FCRL4: variants seen among roughly 807,000 people sequenced by gnomAD.
FCRL4 encodes the protein Fc receptor like 4.
Under a neutral mutation model 64.1 loss-of-function variants are expected in FCRL4, and 43 were observed. The ratio of observed to expected loss-of-function variants is 0.67; its 90% CI spans 0.53 to 0.87. The LOEUF is 0.87. FCRL4 is among the 40% of genes least tolerant of loss of function. The probability of loss-of-function intolerance (pLI) is 0.00; values close to 1 mark genes in which losing one functional copy is unlikely to be tolerated. For missense variants in FCRL4, 656 were observed against 613.5 expected (o/e 1.07, Z -0.73); for synonymous variants, 253 against 239.8 (o/e 1.05, Z -0.51).
rs1173803146 is a variant in FCRL4, at chr1:157,589,404, T to C, written c.107A>G (p.Lys36Arg). The C allele has an allele frequency of 6.2e-7, 1 of 1,614,154 alleles. No individual in the cohort carries two copies. The highest frequency in any genetic ancestry group is 8.5e-7 in the Non-Finnish European group (1 of 1,180,016). ...GCAAGTCAGAGTCACTCTCTCTCCT[T>C]TGAAGAATGTGGTCCATGGAGGATG... Reference protein sequence around the residue: ...SVHPPWTTFFKGERVTLTCNG... With the variant: ...SVHPPWTTFFRGERVTLTCNG... Residue 36 changes from lysine (K) to arginine (R), a missense_variant, in exon 3 of 12, where the codon AAA becomes AGA. Physicochemically the swap from Lys to Arg is conservative, Grantham distance 26. Coordinates refer to ENST00000271532, the MANE Select transcript of FCRL4 (RefSeq NM_031282.3).
chr1:157,587,854 G>A lies in FCRL4; in HGVS notation c.562+11C>T, dbSNP rs772866724. 6.3e-7 allele frequency: 1 copy of A among 1,598,370 alleles called. No individual in the cohort carries two copies. Among genetic ancestry groups the A allele is most frequent in the East Asian group, 2.2e-5 (1 of 44,724 alleles). ...ATTACTAAGCAAATCTATATGAACT[G>A]AAAGATTCACCTTGAATTTTAATTA... On this transcript the variant is annotated intron_variant, in intron 4 of 11. Coordinates refer to ENST00000271532, the MANE Select transcript of FCRL4 (RefSeq NM_031282.3).
chr1:157,579,830 T>G (rs1196763496), intron 8 of FCRL4, among the ~76,000 whole-genome samples: 2 of 152,192 alleles, frequency 1.3e-5, no homozygotes, highest in African/African-American at 2.4e-5. Context: ...TACCTAAGAC[T>G]GAGACACTGA....
At chr1:157,576,075 G>A (rs774422123) in intron 10 of FCRL4, among the ~76,000 whole-genome samples, 1 of 152,032 alleles carries the variant, frequency 6.6e-6, no homozygotes, top group Non-Finnish European at 1.5e-5. Context: ...CACCACCCCC[G>A]ATTGTTTGGC....
chr1:157,578,586 A>C, intron 9 of FCRL4, 44 bp from the exon 10 acceptor site: 1 of 1,536,808 alleles, frequency 6.5e-7, no homozygotes, highest in East Asian at 2.2e-5. Context: ...GTTAGTATTA[A>C]AGTGCTACAG....
intron 10 of FCRL4, among the ~76,000 whole-genome samples, chr1:157,577,928 CGA>C (rs1307666891): frequency 6.6e-6 from 1 of 151,998 alleles, no homozygotes; most frequent in Non-Finnish European, 1.5e-5. Flanking sequence ...AAAGGTTGCT[CGA>C]GACTTACCCT....
chr1:157,578,933 G>A lies in FCRL4; in HGVS notation c.1278-81C>T, dbSNP rs1016615397. The A allele has an allele frequency of 7.8e-6, 9 of 1,146,814 alleles. 1 individual carries two copies. The highest frequency in any genetic ancestry group is 1.1e-5 in the Non-Finnish European group (9 of 809,342). The allele number at this position is 1,146,814 out of a possible 1,614,324, so 71.0% of individuals were successfully genotyped here. A position where few individuals can be genotyped will look rare whatever the true frequency, so the allele number is the denominator to read the frequency against. ...TGAGATACCCAGGGAGAGCGGCAGA[G>A]GAGAAAGAGGATTTGGAGAAAGTCA... On this transcript the variant is annotated intron_variant, in intron 8 of 11. Coordinates refer to ENST00000271532, the MANE Select transcript of FCRL4 (RefSeq NM_031282.3).
At position 157,575,518 on chromosome 1, in the gene FCRL4, A is replaced by G. The variant is rs1426628028; in HGVS notation, c.*6T>C. 5 of 1,610,598 alleles carry G rather than the reference A, an allele frequency of 3.1e-6. No individual in the cohort carries two copies. The highest frequency in any genetic ancestry group is 2.2e-5 in the East Asian group (1 of 44,836). Reference sequence around the variant, plus strand: ...GAGTAGGACGTTCTCGTAACTTTTCATTCTCTTAACTTTCTTCATCCTTAG... The same window carrying G: ...GAGTAGGACGTTCTCGTAACTTTTCGTTCTCTTAACTTTCTTCATCCTTAG... On this transcript the variant is annotated 3_prime_UTR_variant, in exon 12 of 12. Transcript: ENST00000271532.
intron 10 of FCRL4, 65 bp from the exon 11 acceptor site, chr1:157,575,795 G>C (rs1652391162): frequency 3.9e-6 from 6 of 1,523,318 alleles, no homozygotes; most frequent in Non-Finnish European, 4.6e-6. Flanking sequence ...CAGTCTGTTA[G>C]CTGATGCCCT....
chr1:157,590,080 G>A (rs1477904723), intron 2 of FCRL4, among the ~76,000 whole-genome samples: 1 of 152,194 alleles, frequency 6.6e-6, no homozygotes, highest in Non-Finnish European at 1.5e-5. Context: ...TTCATCAATA[G>A]AGAAGGCATT....
At chr1:157,592,395 G>GA (rs920046094) in intron 2 of FCRL4, among the ~76,000 whole-genome samples, 35 of 149,620 alleles carry the variant, frequency 2.3e-4, no homozygotes, top group African/African-American at 5.9e-4. Context: ...AAATTTACAA[G>GA]AAAAAAAAAC....
Position 157,581,663 on chromosome 1 carries a change from T to C in FCRL4, c.1136-19A>G. On this transcript the variant is annotated intron_variant, in intron 6 of 11. Transcript: ENST00000271532. ...GGGGTCTCTAAGGGGAAAGGACCTGTGTGAATCTCAGTGGAGAGGTTCAGG... is the reference window on the plus strand; with the variant it reads ...GGGGTCTCTAAGGGGAAAGGACCTGCGTGAATCTCAGTGGAGAGGTTCAGG... 6.3e-7 allele frequency: 1 copy of C among 1,597,366 alleles called. No homozygotes were observed. The highest frequency in any genetic ancestry group is 8.6e-7 in the Non-Finnish European group (1 of 1,166,356).
At position 157,592,725 on chromosome 1, in the gene FCRL4, C is replaced by T. The variant is rs919936781; in HGVS notation, c.53-3267G>A. Among the ~76,000 whole-genome samples, 2 of 152,188 alleles carry T rather than the reference C, an allele frequency of 1.3e-5. 1 individual carries two copies. The highest frequency in any genetic ancestry group is 4.1e-4 in the South Asian group (2 of 4,820). On this transcript the variant is annotated intron_variant, in intron 2 of 11. Transcript: ENST00000271532. ...TAGAAATACCATTTGACCAAGCCAT[C>T]CCATTACTGGGTATATACCCAAAGG...
At chr1:157,594,904 T>C (rs903687956) in intron 2 of FCRL4, among the ~76,000 whole-genome samples, 17 of 140,078 alleles carry the variant, frequency 1.2e-4, no homozygotes, top group Non-Finnish European at 2.2e-4. Flanking sequence ...GCAGAATTTA[T>C]TTTATTTTAT....
Position 157,580,320 on chromosome 1 carries a change from C to G in FCRL4, c.1277+1G>C. ...AGGAATGGCAGAAACTGAGGTCTCACCTGGTTTCGTCTCCCAAGAAACCAA... is the reference window on the plus strand; with the variant it reads ...AGGAATGGCAGAAACTGAGGTCTCAGCTGGTTTCGTCTCCCAAGAAACCAA... On this transcript the variant is annotated splice_donor_variant, in intron 8 of 11. Coordinates refer to ENST00000271532, the MANE Select transcript of FCRL4 (RefSeq NM_031282.3). LOFTEE classifies it high-confidence loss of function. 1 of 1,614,098 alleles carries G rather than the reference C, an allele frequency of 6.2e-7. No homozygotes were observed. The highest frequency in any genetic ancestry group is 8.5e-7 in the Non-Finnish European group (1 of 1,179,990).
At chr1:157,592,491 A>G (rs1571144935) in intron 2 of FCRL4, among the ~76,000 whole-genome samples, 1 of 152,384 alleles carries the variant, frequency 6.6e-6, no homozygotes, top group East Asian at 1.9e-4. Flanking sequence ...AAAAATGCTC[A>G]TCATCACTGG....
At chr1:157,593,903 A>G (rs140757547) in intron 2 of FCRL4, among the ~76,000 whole-genome samples, 165 of 152,334 alleles carry the variant, frequency 1.1e-3, no homozygotes, top group Middle Eastern at 0.01. Context: ...CCTTACCAAT[A>G]TAATACTACT....
chr1:157,578,783 C>A lies in FCRL4; in HGVS notation c.1347G>T (p.Ser449=), dbSNP rs748562013. The change falls in exon 9 of 12, where the codon TCG becomes TCT. Residue 449 remains serine, a synonymous_variant. Transcript: ENST00000271532. ...SICPAQVELQ[S]LYVDVHPKKG... is the part of the protein sequence containing the mutation. The stretch of plus-strand genomic sequence containing the variant: ...GGGAATCCTCACCATCAACATACAA[C>A]GACTGAAGCTCCACCTGGGCAGGGC... 5.6e-6 allele frequency: 9 copies of A among 1,613,824 alleles called. No individual in the cohort carries two copies. The East Asian group carries it at 1.8e-4, about 32-fold the overall frequency.
intron 2 of FCRL4, 83 bp downstream of exon 2, chr1:157,596,245 A>G: frequency 6.9e-7 from 1 of 1,449,342 alleles, no homozygotes; most frequent in South Asian, 1.2e-5. Flanking sequence ...AATGGACAAC[A>G]GGGACTCTTG....
rs146542519 is a variant in FCRL4 at position 157,583,418 on chromosome 1, G to A, written c.1136-1774C>T. Among the ~76,000 whole-genome samples the A allele has an allele frequency of 9.9e-4, 151 of 152,220 alleles. 1 individual carries two copies. Among genetic ancestry groups the A allele is most frequent in the African/African-American group, 3.6e-3 (148 of 41,544 alleles). ...GTGCCCTTCTCCCCCAGATTCATACGCTGAAGCTCTAACCCCAATGTGATG... is the reference window on the plus strand; with the variant it reads ...GTGCCCTTCTCCCCCAGATTCATACACTGAAGCTCTAACCCCAATGTGATG... On this transcript the variant is annotated intron_variant, in intron 6 of 11. Transcript: ENST00000271532.
Sources: gnomAD v4.1 joint callset for allele counts (sites outside exome capture counted in the v4.1 genomes callset) on GRCh38, gnomAD v4.1.1 for gene constraint, MANE v1.5 for transcripts, NCBI Gene and HGNC (gene_info 2026-07-23, HGNC 2026-07-21) for gene names.